Variants in DTNBP1 observed in about 807,000 individuals in gnomAD.
DTNBP1 encodes dystrobrevin binding protein 1.
In DTNBP1, 35 loss-of-function variants were observed where a neutral mutation model predicts 42.8. The observed-to-expected ratio is 0.82, with a 90% CI of 0.63 to 1.09. The LOEUF (loss-of-function observed/expected upper bound fraction) is 1.09. Ranked by LOEUF, DTNBP1 falls within the 50% of genes least tolerant of loss-of-function variation. DTNBP1 has a pLI of 0.00. For synonymous variants in DTNBP1, 171 were observed against 162.2 expected, an observed-to-expected ratio of 1.05 and a Z score of -0.41; for missense variants, 457 against 424.2, an observed-to-expected ratio of 1.08 and a Z score of -0.68.
chr6:15,583,892 G>C (rs371668973), intron 7 of DTNBP1, among the ~76,000 whole-genome samples: 1 of 152,098 alleles, frequency 6.6e-6, no homozygotes, highest in East Asian at 1.9e-4. Flanking sequence ...TTTTTATGTA[G>C]TTTAATACCT....
At chr6:15,543,737 C>T (rs930241866) in intron 7 of DTNBP1, among the ~76,000 whole-genome samples, 3 of 152,200 alleles carry the variant, frequency 2.0e-5, no homozygotes, top group Non-Finnish European at 4.4e-5. Flanking sequence ...GCCTCTGTCA[C>T]CTGTTCTGTC....
intron 7 of DTNBP1, among the ~76,000 whole-genome samples, chr6:15,577,417 G>A (rs945441786): frequency 6.6e-6 from 1 of 152,258 alleles, no homozygotes; most frequent in African/African-American, 2.4e-5. Flanking sequence ...AGTGCCGAGT[G>A]TAGGCAGTAG....
intron 1 of DTNBP1, among the ~76,000 whole-genome samples, chr6:15,661,451 A>G (rs1051528378): frequency 1.3e-5 from 2 of 152,182 alleles, no homozygotes; most frequent in Non-Finnish European, 2.9e-5. Flanking sequence ...CAAGGTCAGG[A>G]GTTCGAGACC....
chr6:15,618,052 G>A (rs944816512), intron 5 of DTNBP1, among the ~76,000 whole-genome samples: 2 of 151,842 alleles, frequency 1.3e-5, no homozygotes, highest in South Asian at 2.1e-4. Flanking sequence ...TTCTATTTTC[G>A]TTTTGTTTTG....
At chr6:15,581,635 G>A (rs895811483) in intron 7 of DTNBP1, among the ~76,000 whole-genome samples, 8 of 151,506 alleles carry the variant, frequency 5.3e-5, no homozygotes, top group Admixed American at 2.0e-4. Flanking sequence ...AGCATAACAC[G>A]CCTAGCTAAT....
chr6:15,585,347 T>A (rs1243268834), intron 7 of DTNBP1, among the ~76,000 whole-genome samples: 1 of 151,698 alleles, frequency 6.6e-6, no homozygotes, highest in Non-Finnish European at 1.5e-5. Flanking sequence ...CTAGTATTAT[T>A]TTCCTGGTAT....
intron 7 of DTNBP1, among the ~76,000 whole-genome samples, chr6:15,554,345 G>C (rs911852738): frequency 6.6e-6 from 1 of 152,136 alleles, no homozygotes; most frequent in Admixed American, 6.5e-5. Context: ...TGCCTCCCAA[G>C]TAGCTGGAAT....
chr6:15,534,962 C>T (rs539425053), intron 7 of DTNBP1, among the ~76,000 whole-genome samples: 1 of 152,246 alleles, frequency 6.6e-6, no homozygotes, highest in African/African-American at 2.4e-5. Context: ...AGCAAGAACC[C>T]CAAATCTCCC....
At position 15,590,808 on chromosome 6, in the gene DTNBP1, G is replaced by T. The variant is rs536123881; in HGVS notation, c.511+2251C>A. 9.8e-5 allele frequency among the ~76,000 whole-genome samples: 15 copies of T among 152,290 alleles called. No homozygotes were observed. In the South Asian group the frequency reaches 2.9e-3, roughly 29 times the overall value. On this transcript the variant is annotated intron_variant, in intron 7 of 9. Coordinates refer to ENST00000344537, the MANE Select transcript of DTNBP1 (RefSeq NM_032122.5). ...TCAACCTCAATGGAGTATTAGAAGG[G>T]AGAATCCAGAACATGGTGGATGATA... is the stretch of plus-strand genomic sequence containing the variant.
rs533595712 is a variant in DTNBP1, at chr6:15,642,691, C to G, written c.162-4887G>C. On this transcript the variant is annotated intron_variant, in intron 3 of 9. Coordinates refer to ENST00000344537, the MANE Select transcript of DTNBP1 (RefSeq NM_032122.5). The stretch of plus-strand genomic sequence containing the variant: ...CAGTAAGCAGCATCTGAGAAAGTCA[C>G]TACACAGAAGCTATCCATAACCAAG... 2.0e-5 allele frequency among the ~76,000 whole-genome samples: 3 copies of G among 152,296 alleles called. No homozygotes were observed. In the East Asian group the frequency reaches 5.8e-4, roughly 29 times the overall value.
intron 8 of DTNBP1, among the ~76,000 whole-genome samples, chr6:15,532,536 G>A (rs914939612): frequency 1.3e-5 from 2 of 152,072 alleles, no homozygotes; most frequent in Non-Finnish European, 2.9e-5. Flanking sequence ...GTACGGTCCA[G>A]TCAGATACCA....
At position 15,601,168 on chromosome 6, in the gene DTNBP1, G is replaced by A. The variant is rs16876670; in HGVS notation, c.489-8087C>T. On this transcript the variant is annotated intron_variant, in intron 6 of 9. Coordinates refer to ENST00000344537, the MANE Select transcript of DTNBP1 (RefSeq NM_032122.5). ...GGTAAATAAAGATTGATTTGTCAAGGACCTTAGTTACTTAAAAAGCTAAGA... is the reference window on the plus strand; with the variant it reads ...GGTAAATAAAGATTGATTTGTCAAGAACCTTAGTTACTTAAAAAGCTAAGA... 7.2e-3 allele frequency among the ~76,000 whole-genome samples: 1,100 copies of A among 152,314 alleles called. 20 individuals are homozygous for A. Among genetic ancestry groups the A allele is most frequent in the African/African-American group, 0.025 (1,046 of 41,562 alleles).
At chr6:15,616,423 A>G (rs1267604489) in intron 5 of DTNBP1, among the ~76,000 whole-genome samples, 1 of 152,194 alleles carries the variant, frequency 6.6e-6, no homozygotes, top group Non-Finnish European at 1.5e-5. Context: ...GTATATTTCA[A>G]TGGCAACAGA....
At chr6:15,525,521 T>A (rs1772323040) in intron 8 of DTNBP1, among the ~76,000 whole-genome samples, 1 of 152,074 alleles carries the variant, frequency 6.6e-6, no homozygotes, top group Non-Finnish European at 1.5e-5. Context: ...ACAAACATCA[T>A]CCTCGCTGAA....
intron 6 of DTNBP1, among the ~76,000 whole-genome samples, chr6:15,598,486 A>G (rs1394665640): frequency 6.6e-6 from 1 of 152,208 alleles, no homozygotes; most frequent in Non-Finnish European, 1.5e-5. Flanking sequence ...CATGATCAGC[A>G]ATACTCTTTT....
At chr6:15,559,289 G>A (rs771242915) in intron 7 of DTNBP1, among the ~76,000 whole-genome samples, 18 of 152,206 alleles carry the variant, frequency 1.2e-4, no homozygotes, top group Non-Finnish European at 2.2e-4. Context: ...CAACCATTCT[G>A]TGGTCATTCA....
At chr6:15,545,334 A>G (rs1459275252) in intron 7 of DTNBP1, among the ~76,000 whole-genome samples, 2 of 152,236 alleles carry the variant, frequency 1.3e-5, no homozygotes, top group Admixed American at 6.5e-5. Context: ...ATTTTATACC[A>G]TACATTATTT....
intron 4 of DTNBP1, 99 bp downstream of exon 4, chr6:15,637,645 A>G: frequency 2.2e-6 from 3 of 1,338,258 alleles, no homozygotes; most frequent in Non-Finnish European, 3.2e-6. Flanking sequence ...CCTGCAAAAC[A>G]TTTTGACACA....
intron 7 of DTNBP1, among the ~76,000 whole-genome samples, chr6:15,569,353 A>ACCCCCCCCCCC (rs11332178): frequency 3.1e-5 from 4 of 127,172 alleles, no homozygotes; most frequent in Admixed American, 8.4e-5. Context: ...GCCAGTTAAG[A>ACCCCCCCCCCC]CCCCCCCCCG....
Sources: gnomAD v4.1 joint callset for allele counts (sites outside exome capture counted in the v4.1 genomes callset) on GRCh38, gnomAD v4.1.1 for gene constraint, MANE v1.5 for transcripts, NCBI Gene and HGNC (gene_info 2026-07-23, HGNC 2026-07-21) for gene names.